The following TMCO6 variants were observed in gnomAD, a reference collection of about 807,000 sequenced individuals.
TMCO6 encodes transmembrane and coiled-coil domain-containing protein 6.
In TMCO6, 47 loss-of-function variants were observed where a neutral mutation model predicts 61.8. That is an observed-to-expected ratio of 0.76 (90% CI 0.60 to 0.97). The LOEUF (loss-of-function observed/expected upper bound fraction) is 0.97. Among genes scored for constraint, TMCO6 ranks in the 50% least tolerant of loss-of-function variants. TMCO6 has a pLI of 0.00. For synonymous variants in TMCO6, 261 were observed against 254.2 expected (o/e 1.03, Z -0.25); for missense variants, 557 against 601.6 (o/e 0.93, Z 0.78).
downstream of TMCO6, chr5:140,646,939 G>A (rs190316258): frequency 3.1e-4 from 86 of 274,684 alleles, no homozygotes; most frequent in Middle Eastern, 2.4e-3. Flanking sequence ...TACCTGGACT[G>A]ACACTGGCTA....
chr5:140,599,655 C>T, the TMCO6 span, among the ~76,000 whole-genome samples: 1 of 152,198 alleles, frequency 6.6e-6, no homozygotes, highest in Non-Finnish European at 1.5e-5. Flanking sequence ...AATCCCAGCA[C>T]TTTGGGAGGC....
chr5:140,634,223 C>T, the TMCO6 span, among the ~76,000 whole-genome samples: 1 of 152,116 alleles, frequency 6.6e-6, no homozygotes, highest in Admixed American at 6.5e-5. Context: ...TTGCACGTTG[C>T]TCTCTCCTGC....
chr5:140,606,025 A>G, the TMCO6 span, among the ~76,000 whole-genome samples: 1 of 151,802 alleles, frequency 6.6e-6, no homozygotes, highest in Non-Finnish European at 1.5e-5. Context: ...TAATTTCTGT[A>G]AGGTCAGTAG....
chr5:140,628,767 A>G, the TMCO6 span, among the ~76,000 whole-genome samples: 2 of 152,098 alleles, frequency 1.3e-5, no homozygotes, highest in Non-Finnish European at 2.9e-5. Flanking sequence ...GGCATATCTG[A>G]ATTGTGGGCA....
the TMCO6 span, among the ~76,000 whole-genome samples, chr5:140,608,634 C>T: frequency 2.0e-5 from 3 of 152,128 alleles, no homozygotes; most frequent in Non-Finnish European, 2.9e-5. Context: ...GGTTTTGGCT[C>T]TTACATTTAG....
At chr5:140,610,247 C>T in the TMCO6 span, among the ~76,000 whole-genome samples, 1 of 148,582 alleles carries the variant, frequency 6.7e-6, no homozygotes, top group Non-Finnish European at 1.5e-5. Context: ...GTCCCAGCTA[C>T]TCAGGAGGCT....
chr5:140,610,798 T>C, the TMCO6 span, among the ~76,000 whole-genome samples: 3 of 152,208 alleles, frequency 2.0e-5, no homozygotes, highest in Non-Finnish European at 4.4e-5. Context: ...CTTGTTTTGT[T>C]GCTGATCTTA....
the TMCO6 span, chr5:140,632,361 C>T: frequency 6.2e-7 from 1 of 1,614,062 alleles, no homozygotes. The surrounding 1 kb of genome is among the most constrained non-coding windows in gnomAD (Gnocchi z 6.2). Flanking sequence ...TCCGCGTTCG[C>T]CCAGTCCAGG....
the TMCO6 span, among the ~76,000 whole-genome samples, chr5:140,624,336 C>G: frequency 6.6e-6 from 1 of 151,760 alleles, no homozygotes; most frequent in African/African-American, 2.4e-5. Flanking sequence ...TGCACTCCAG[C>G]CTGGGTAACA....
intron 11 of TMCO6, 98 bp downstream of exon 11, chr5:140,644,838 C>T (rs1757299549): frequency 6.5e-7 from 1 of 1,544,346 alleles, no homozygotes; most frequent in Non-Finnish European, 8.8e-7. Context: ...TTCTCTGGGC[C>T]TGGCTAACCT....
chr5:140,617,182 T>G, the TMCO6 span, among the ~76,000 whole-genome samples: 2,114 of 152,336 alleles, frequency 0.014, 58 homozygotes, highest in African/African-American at 0.048. Context: ...TCCCAGCACT[T>G]TGGGAGGCCA....
chr5:140,601,062 G>C, the TMCO6 span, among the ~76,000 whole-genome samples: 1 of 152,144 alleles, frequency 6.6e-6, no homozygotes, highest in East Asian at 1.9e-4. Flanking sequence ...TCCGTGTATA[G>C]GAGCTACAAC....
chr5:140,632,360 G>T, the TMCO6 span: 1 of 1,614,094 alleles, frequency 6.2e-7, no homozygotes. The surrounding 1 kb of genome is among the most constrained non-coding windows in gnomAD (Gnocchi z 6.2). Flanking sequence ...GTCCGCGTTC[G>T]CCCAGTCCAG....
chr5:140,644,316 C>T (rs1193008516), intron 10 of TMCO6, 122 bp downstream of exon 10: 8 of 1,117,396 alleles, frequency 7.2e-6, no homozygotes, highest in Non-Finnish European at 1.1e-5. Context: ...GCCTCAGGGC[C>T]CAACCAATCT....
At chr5:140,629,535 G>C in the TMCO6 span, among the ~76,000 whole-genome samples, 1 of 152,132 alleles carries the variant, frequency 6.6e-6, no homozygotes, top group South Asian at 2.1e-4. Flanking sequence ...AATGAATTTT[G>C]TATTCAGACT....
At chr5:140,645,872 T>C, downstream of TMCO6, 3 of 1,069,562 alleles carry the variant, frequency 2.8e-6, no homozygotes, top group Non-Finnish European at 4.1e-6. Flanking sequence ...CAAGTCCAAA[T>C]AGAATTTTGG....
At chr5:140,611,418 T>C in the TMCO6 span, among the ~76,000 whole-genome samples, 2 of 152,202 alleles carry the variant, frequency 1.3e-5, no homozygotes, top group Admixed American at 6.5e-5. Flanking sequence ...TGAAGTTTGG[T>C]GGTTACCCAG....
chr5:140,632,299 G>A, the TMCO6 span: 4 of 1,613,864 alleles, frequency 2.5e-6, no homozygotes, highest in African/African-American at 4.0e-5. The surrounding 1 kb of genome is among the most constrained non-coding windows in gnomAD (Gnocchi z 6.2). Flanking sequence ...GTGTTGCGCA[G>A]CGCTAGATTC....
intron 6 of TMCO6, 106 bp from the exon 7 acceptor site, chr5:140,642,819 C>G (rs1757124105): frequency 1.3e-6 from 2 of 1,598,334 alleles, no homozygotes; most frequent in Admixed American, 1.7e-5. Flanking sequence ...ACTTTCCCAT[C>G]TGGGCAGGGC....
Sources: gnomAD v4.1 joint callset for allele counts (sites outside exome capture counted in the v4.1 genomes callset) on GRCh38, gnomAD v4.1.1 for gene constraint, Gnocchi (gnomAD v3.1) non-coding constraint, MANE v1.5 for transcripts, NCBI Gene and HGNC (gene_info 2026-07-23, HGNC 2026-07-21) for gene names.